The following TRERF1 variants were observed in gnomAD, a reference collection of about 807,000 sequenced individuals.
The protein encoded by TRERF1 is transcriptional-regulating factor 1.
In TRERF1, 27 loss-of-function variants were observed where a neutral mutation model predicts 122.9. That is an observed-to-expected ratio of 0.22 (90% confidence interval 0.16 to 0.30). The LOEUF (loss-of-function observed/expected upper bound fraction) is 0.30, where lower values mean the gene tolerates loss of function less well. TRERF1 is among the 10% of genes least tolerant of loss of function. The probability of loss-of-function intolerance (pLI) is 1.00; values close to 1 mark genes in which losing one functional copy is unlikely to be tolerated. For missense variants in TRERF1, 1,248 were observed against 1,560.3 expected (o/e 0.80, Z 3.37); for synonymous variants, 636 against 641.7 (o/e 0.99, Z 0.13).
intron 10 of TRERF1, 71 bp from the exon 11 acceptor site, chr6:42,257,173 G>C: frequency 6.4e-7 from 1 of 1,559,164 alleles, no homozygotes; most frequent in South Asian, 1.2e-5. Flanking sequence ...GCAACTGTCA[G>C]GAACTTGAAA....
At chr6:42,437,063 C>T (rs1260945914) in intron 2 of TRERF1, among the ~76,000 whole-genome samples, 1 of 151,984 alleles carries the variant, frequency 6.6e-6, no homozygotes, top group Non-Finnish European at 1.5e-5. Flanking sequence ...TCTTGCTTAG[C>T]AAGTGTGGAT....
intron 15 of TRERF1, among the ~76,000 whole-genome samples, chr6:42,242,353 T>G (rs1773905941): frequency 6.6e-6 from 1 of 151,800 alleles, no homozygotes; most frequent in African/African-American, 2.4e-5. Context: ...ATACATGTGC[T>G]AACCCTTACA....
intron 2 of TRERF1, among the ~76,000 whole-genome samples, chr6:42,436,615 G>A (rs1231696822): frequency 1.3e-5 from 2 of 151,518 alleles, no homozygotes; most frequent in East Asian, 1.9e-4. Context: ...TCAAATCCAG[G>A]CAGTCTGACT....
At chr6:42,333,307 G>T (rs562207358) in intron 3 of TRERF1, among the ~76,000 whole-genome samples, 1 of 152,320 alleles carries the variant, frequency 6.6e-6, no homozygotes, top group South Asian at 2.1e-4. Context: ...TGGGTCAAAT[G>T]ATGTTTTAGG....
At chr6:42,409,148 G>A (rs948647945) in intron 2 of TRERF1, among the ~76,000 whole-genome samples, 1 of 152,024 alleles carries the variant, frequency 6.6e-6, no homozygotes, top group African/African-American at 2.4e-5. Context: ...GCATGGTGGT[G>A]TATGCCTGTA....
At chr6:42,325,056 G>GA (rs1023059671) in intron 3 of TRERF1, among the ~76,000 whole-genome samples, 10 of 150,648 alleles carry the variant, frequency 6.6e-5, no homozygotes, top group African/African-American at 1.7e-4. Context: ...AAATCAACAA[G>GA]AAAAAAAACA....
intron 3 of TRERF1, among the ~76,000 whole-genome samples, chr6:42,334,080 T>C (rs982743154): frequency 1.3e-5 from 2 of 151,808 alleles, no homozygotes; most frequent in Non-Finnish European, 2.9e-5. Flanking sequence ...CACATACACA[T>C]GAATATATAT....
exon 7 of TRERF1, chr6:42,264,741 G>C (rs1778844350): frequency 1.2e-6 from 2 of 1,614,200 alleles, no homozygotes; most frequent in East Asian, 4.5e-5. Context: ...TCCCCCGTGG[G>C]ACCGCATGTG....
At chr6:42,243,300 C>A (rs777625510) in exon 15 of TRERF1, 7 of 1,614,164 alleles carry the variant, frequency 4.3e-6, no homozygotes, top group Non-Finnish European at 5.1e-6. Flanking sequence ...CCGCCCCAGC[C>A]GCATGATCTT....
intron 2 of TRERF1, among the ~76,000 whole-genome samples, chr6:42,394,451 G>A (rs1011511818): frequency 2.0e-5 from 3 of 152,174 alleles, no homozygotes; most frequent in East Asian, 1.9e-4. Flanking sequence ...CTTCACATAC[G>A]GGACTGCAGA....
At chr6:42,418,568 G>T (rs1244799196) in intron 2 of TRERF1, among the ~76,000 whole-genome samples, 1 of 152,054 alleles carries the variant, frequency 6.6e-6, no homozygotes, top group African/African-American at 2.4e-5. Context: ...ACCGTGCCTG[G>T]CCCTGCGTTT....
At chr6:42,343,656 C>T (rs1016281156) in intron 3 of TRERF1, among the ~76,000 whole-genome samples, 2 of 152,184 alleles carry the variant, frequency 1.3e-5, no homozygotes, top group Non-Finnish European at 2.9e-5. Context: ...AGCTGTGAGG[C>T]TGCAGCCAAG....
intron 3 of TRERF1, among the ~76,000 whole-genome samples, chr6:42,315,506 C>T (rs892605478): frequency 2.0e-4 from 30 of 152,086 alleles, no homozygotes; most frequent in African/African-American, 5.8e-4. Flanking sequence ...CTAGGATCGG[C>T]GCTTAGAGCA....
chr6:42,323,184 C>T (rs1472145351), intron 3 of TRERF1, among the ~76,000 whole-genome samples: 1 of 149,794 alleles, frequency 6.7e-6, no homozygotes, highest in Non-Finnish European at 1.5e-5. Context: ...GGAGGTGCAA[C>T]TTTCCCCCAG....
intron 2 of TRERF1, among the ~76,000 whole-genome samples, chr6:42,408,257 A>ATG (rs764767829): frequency 3.9e-4 from 34 of 87,588 alleles, no homozygotes; most frequent in South Asian, 7.9e-4. Context: ...ATACATACAC[A>ATG]TGTGTGTGTA....
intron 3 of TRERF1, among the ~76,000 whole-genome samples, chr6:42,355,496 A>ATCC (rs985629702): frequency 4.6e-5 from 7 of 152,156 alleles, no homozygotes; most frequent in African/African-American, 1.7e-4. Context: ...ACTGGTATAG[A>ATCC]TCCTCCCTCT....
intron 2 of TRERF1, among the ~76,000 whole-genome samples, chr6:42,407,935 C>A (rs959457287): frequency 6.6e-6 from 1 of 151,178 alleles, no homozygotes; most frequent in Admixed American, 6.6e-5. Context: ...TGTTTGAGTT[C>A]TCCACTGTAT....
At position 42,356,972 on chromosome 6, in the gene TRERF1, T is replaced by C. The variant is rs918492279; in HGVS notation, c.-371+6025A>G. Among the ~76,000 whole-genome samples, 10 of 152,208 alleles carry C rather than the reference T, an allele frequency of 6.6e-5. 1 individual carries two copies. The highest frequency in any genetic ancestry group is 6.5e-5 in the Admixed American group (1 of 15,298). ...TGGTAATGTCTGTCAAAAAGCACAA[T>C]GTCGTCTGCCGTGGAGCAAGATATG... is the stretch of plus-strand genomic sequence containing the variant. On this transcript the variant is annotated intron_variant, in intron 3 of 17. Coordinates refer to ENST00000372922, the Ensembl canonical transcript of TRERF1.
At chr6:42,431,997 GTA>G (rs1784572482) in intron 2 of TRERF1, among the ~76,000 whole-genome samples, 1 of 152,222 alleles carries the variant, frequency 6.6e-6, no homozygotes, top group Admixed American at 6.5e-5. Flanking sequence ...GCTCATGGTA[GTA>G]TAGTATAGCA....
Sources: allele counts gnomAD v4.1 joint callset (sites outside exome capture counted in the v4.1 genomes callset), GRCh38; gene constraint gnomAD v4.1.1; transcripts MANE v1.5; gene names NCBI Gene and HGNC (gene_info 2026-07-23, HGNC 2026-07-21).